Variants in CCDC102B observed in about 807,000 individuals in gnomAD.
CCDC102B encodes coiled-coil domain-containing protein 102B.
A neutral mutation model predicts 57.4 loss-of-function variants in CCDC102B; 75 were observed. The ratio of observed to expected loss-of-function variants is 1.31; its 90% confidence interval spans 1.08 to 1.58. The LOEUF is 1.58. CCDC102B is among the 40% of genes most tolerant of loss of function. The pLI, the probability that CCDC102B is intolerant of heterozygous loss-of-function variation, is 0.00. For synonymous variants in CCDC102B, 206 were observed against 201.9 expected, an observed-to-expected ratio of 1.02 and a Z score of -0.17; for missense variants, 636 against 582.6, an observed-to-expected ratio of 1.09 and a Z score of -0.94.
intron 7 of CCDC102B, among the ~76,000 whole-genome samples, chr18:69,025,301 C>G (rs2051955027): frequency 6.6e-6 from 1 of 152,128 alleles, no homozygotes; most frequent in Non-Finnish European, 1.5e-5. Flanking sequence ...CAAAAGACTA[C>G]TTTAAAAAGC....
chr18:69,049,007 A>G (rs559676035), intron 7 of CCDC102B, among the ~76,000 whole-genome samples: 1 of 151,716 alleles, frequency 6.6e-6, no homozygotes. Flanking sequence ...AAATTCCTGT[A>G]TGTTACCATC....
chr18:68,765,363 A>AAGAAAGAAAGAAAG (rs2034422813), intron 2 of CCDC102B, among the ~76,000 whole-genome samples: 5 of 144,854 alleles, frequency 3.5e-5, no homozygotes, highest in African/African-American at 1.0e-4. Context: ...GAAAGAAAGA[A>AAGAAAGAAAGAAAG]AGAAAGAAAG....
chr18:68,918,474 C>A (rs1176211844), intron 6 of CCDC102B, among the ~76,000 whole-genome samples: 1 of 152,088 alleles, frequency 6.6e-6, no homozygotes, highest in Non-Finnish European at 1.5e-5. Flanking sequence ...ACTAGTATGG[C>A]CAAGCAACTG....
intron 6 of CCDC102B, among the ~76,000 whole-genome samples, chr18:68,914,408 C>T (rs2040989589): frequency 6.6e-6 from 1 of 152,122 alleles, no homozygotes; most frequent in Non-Finnish European, 1.5e-5. Context: ...CTGGGATAGA[C>T]TCAGGCCACC....
intron 7 of CCDC102B, among the ~76,000 whole-genome samples, chr18:69,053,196 C>G (rs9319771): frequency 0.03 from 4,511 of 151,780 alleles, 146 homozygotes; most frequent in East Asian, 0.16. Flanking sequence ...ACAGATGAAA[C>G]ATTACTGTAG....
At chr18:68,834,806 A>G (rs1361758010) in intron 1 of CCDC102B, among the ~76,000 whole-genome samples, 1 of 151,950 alleles carries the variant, frequency 6.6e-6, no homozygotes, top group Admixed American at 6.6e-5. Context: ...AAAATATTAT[A>G]TAGTCTTTTT....
At chr18:69,014,740 A>T (rs1191297718) in intron 7 of CCDC102B, among the ~76,000 whole-genome samples, 2 of 151,666 alleles carry the variant, frequency 1.3e-5, no homozygotes, top group African/African-American at 4.8e-5. Context: ...AATTTATTTG[A>T]AGGGAAAAAA....
At chr18:69,056,334 A>G (rs1225347743), downstream of CCDC102B, among the ~76,000 whole-genome samples, 2 of 152,082 alleles carry the variant, frequency 1.3e-5, no homozygotes, top group East Asian at 1.9e-4. Flanking sequence ...AATGAAAACA[A>G]CAATGATTTT....
intron 6 of CCDC102B, among the ~76,000 whole-genome samples, chr18:68,980,261 T>A (rs1460363735): frequency 6.6e-6 from 1 of 151,814 alleles, no homozygotes; most frequent in Non-Finnish European, 1.5e-5. Context: ...AATCCTTTTT[T>A]TTTTTTTTAA....
At chr18:68,716,849 C>T (rs948004833) in intron 2 of CCDC102B, among the ~76,000 whole-genome samples, 1 of 151,996 alleles carries the variant, frequency 6.6e-6, no homozygotes, top group Non-Finnish European at 1.5e-5. Context: ...GAGGCCGAGG[C>T]AGGTGGATCA....
At chr18:68,933,437 G>T (rs559644690) in intron 6 of CCDC102B, among the ~76,000 whole-genome samples, 1 of 151,912 alleles carries the variant, frequency 6.6e-6, no homozygotes, top group South Asian at 2.1e-4. Context: ...ATGGTTCTTT[G>T]TGATTTTTCT....
downstream of CCDC102B, chr18:69,055,251 A>C: frequency 1.4e-6 from 1 of 707,888 alleles, no homozygotes; most frequent in Non-Finnish European, 1.7e-6. Flanking sequence ...TCTCTCCCAA[A>C]CATGGGGGAT....
chr18:68,836,600 C>G, intron 1 of CCDC102B, 149 bp from the exon 2 acceptor site: 1 of 645,486 alleles, frequency 1.5e-6, no homozygotes, highest in Non-Finnish European at 2.5e-6. Context: ...TGCACTCCAG[C>G]CTGGTGACAG....
At chr18:68,795,869 A>G (rs993714447), upstream of CCDC102B, among the ~76,000 whole-genome samples, 11 of 152,224 alleles carry the variant, frequency 7.2e-5, no homozygotes, top group African/African-American at 2.7e-4. Context: ...CTAGACAGAA[A>G]TGTGAAATAA....
At chr18:69,053,106 T>C (rs1251005905) in intron 7 of CCDC102B, among the ~76,000 whole-genome samples, 2 of 151,688 alleles carry the variant, frequency 1.3e-5, no homozygotes, top group African/African-American at 4.8e-5. Flanking sequence ...GGAGACAATA[T>C]AAATACTCAT....
intron 1 of CCDC102B, among the ~76,000 whole-genome samples, chr18:68,800,654 G>C (rs1490101772): frequency 6.6e-6 from 1 of 151,706 alleles, no homozygotes; most frequent in African/African-American, 2.4e-5. Flanking sequence ...TAACACTGGG[G>C]ATGTACTGAC....
At chr18:68,836,368 G>A (rs1408736979) in intron 1 of CCDC102B, among the ~76,000 whole-genome samples, 3 of 152,230 alleles carry the variant, frequency 2.0e-5, no homozygotes, top group East Asian at 1.9e-4. Flanking sequence ...GGTGGCTCAC[G>A]CCTGTAATCC....
At chr18:68,741,858 G>A (rs1009028938) in intron 2 of CCDC102B, among the ~76,000 whole-genome samples, 1 of 152,174 alleles carries the variant, frequency 6.6e-6, no homozygotes, top group African/African-American at 2.4e-5. Context: ...CAGTGATGGG[G>A]AAGGAGTGAG....
chr18:68,780,766 A>T (rs2034980455), intron 2 of CCDC102B, among the ~76,000 whole-genome samples: 1 of 152,004 alleles, frequency 6.6e-6, no homozygotes, highest in Non-Finnish European at 1.5e-5. Flanking sequence ...TGTTACTTGG[A>T]TCAGAAACAT....
Sources: allele counts gnomAD v4.1 joint callset (sites outside exome capture counted in the v4.1 genomes callset), GRCh38; gene constraint gnomAD v4.1.1; transcripts MANE v1.5; gene names NCBI Gene and HGNC (gene_info 2026-07-23, HGNC 2026-07-21).